The following KSR2 variants were observed in gnomAD, a reference collection of about 807,000 sequenced individuals.
KSR2 encodes the protein kinase suppressor of ras 2.
A neutral mutation model predicts 107.8 loss-of-function variants in KSR2; 25 were observed. The observed-to-expected ratio is 0.23, with a 90% CI of 0.17 to 0.32. The LOEUF (loss-of-function observed/expected upper bound fraction) is 0.32. KSR2 is among the 10% of genes least tolerant of loss of function. KSR2 has a pLI of 1.00. For missense variants in KSR2, 887 were observed against 1,268.9 expected, an observed-to-expected ratio of 0.70 and a Z score of 4.57; for synonymous variants, 480 against 507.0, an observed-to-expected ratio of 0.95 and a Z score of 0.71.
At chr12:117,507,628 G>T (rs1021188529) in intron 14 of KSR2, among the ~76,000 whole-genome samples, 1 of 152,144 alleles carries the variant, frequency 6.6e-6, no homozygotes, top group African/African-American at 2.4e-5. Context: ...AGCCCCATCT[G>T]CCTTCAGACA....
At chr12:117,534,625 C>G (rs535050595) in intron 10 of KSR2, among the ~76,000 whole-genome samples, 37 of 152,154 alleles carry the variant, frequency 2.4e-4, no homozygotes, top group African/African-American at 8.9e-4. Context: ...TAATGCCTGC[C>G]CCTGCCGCTA....
intron 5 of KSR2, among the ~76,000 whole-genome samples, chr12:117,654,739 G>T (rs1884060984): frequency 6.6e-6 from 1 of 152,184 alleles, no homozygotes; most frequent in Non-Finnish European, 1.5e-5. Context: ...CCCTCTGAGT[G>T]GTCAAAAACT....
intron 5 of KSR2, among the ~76,000 whole-genome samples, chr12:117,623,292 T>C (rs1160791015): frequency 2.0e-5 from 3 of 152,222 alleles, no homozygotes; most frequent in African/African-American, 7.2e-5. Flanking sequence ...GCAGGTTTGA[T>C]ACATAGGTAT....
chr12:117,680,366 T>A (rs1178876043), intron 4 of KSR2, among the ~76,000 whole-genome samples: 2 of 152,234 alleles, frequency 1.3e-5, no homozygotes, highest in African/African-American at 4.8e-5. Context: ...ACATCCATGA[T>A]TTAAATGCTC....
chr12:117,669,055 C>T (rs1884791611), intron 4 of KSR2, among the ~76,000 whole-genome samples: 2 of 152,164 alleles, frequency 1.3e-5, no homozygotes, highest in Admixed American at 6.5e-5. Flanking sequence ...GGGGTGATGT[C>T]TAATCTCAAT....
intron 1 of KSR2, among the ~76,000 whole-genome samples, chr12:117,898,123 A>G (rs906346142): frequency 1.3e-5 from 2 of 152,146 alleles, no homozygotes; most frequent in South Asian, 2.1e-4. Context: ...GGGTTAGGCA[A>G]CTCAAAGGCA....
intron 1 of KSR2, among the ~76,000 whole-genome samples, chr12:117,943,380 CT>C (rs1340930096): frequency 6.6e-6 from 1 of 151,344 alleles, no homozygotes; most frequent in African/African-American, 2.4e-5. Flanking sequence ...TCATGTACAA[CT>C]ACAAAAGCTA....
chr12:117,549,158 T>C (rs61937251), intron 9 of KSR2, among the ~76,000 whole-genome samples: 13,419 of 152,264 alleles, frequency 0.088, 829 homozygotes, highest in Middle Eastern at 0.14. Flanking sequence ...CTAATGGTAA[T>C]TGCATTTCCA....
At position 117,812,424 on chromosome 12, in the gene KSR2, G is replaced by A. The variant is rs201522465; in HGVS notation, c.472+43004C>T. On this transcript the variant is annotated intron_variant, in intron 3 of 19. Transcript: ENST00000339824. The stretch of plus-strand genomic sequence containing the variant: ...ACTAGAAAAATGTTAAACTATTTGT[G>A]GCTTGCTTTATATTTCTATTAGAGA... Among the ~76,000 whole-genome samples, 3 of 152,104 alleles carry A rather than the reference G, an allele frequency of 2.0e-5. No homozygotes were observed. The East Asian group carries it at 5.8e-4, about 29-fold the overall frequency.
chr12:117,498,579 C>T lies in KSR2; in HGVS notation c.2220-12888G>A, dbSNP rs564203892. Among the ~76,000 whole-genome samples the T allele has an allele frequency of 3.6e-3, 546 of 152,216 alleles. 2 individuals carry two copies. Among genetic ancestry groups the T allele is most frequent in the Non-Finnish European group, 4.7e-3 (320 of 68,020 alleles). ...TAAGCATCCTGTGTCCCCTGTAGCT[C>T]GGGAGGGCTGTGTTTCATGCCAAGT... On this transcript the variant is annotated intron_variant, in intron 14 of 19. Transcript: ENST00000339824.
chr12:117,586,837 C>T (rs1191632297), intron 5 of KSR2, among the ~76,000 whole-genome samples: 1 of 152,154 alleles, frequency 6.6e-6, no homozygotes, highest in African/African-American at 2.4e-5. Context: ...GTTATCCCGA[C>T]TGCCCAAGGT....
chr12:117,906,116 C>T (rs1050646811), intron 1 of KSR2, among the ~76,000 whole-genome samples: 9 of 151,806 alleles, frequency 5.9e-5, no homozygotes, highest in Non-Finnish European at 1.2e-4. Context: ...TTCGGGAGGC[C>T]GAGGCGGGCA....
intron 1 of KSR2, among the ~76,000 whole-genome samples, chr12:117,909,440 T>C (rs971311043): frequency 3.3e-5 from 5 of 152,218 alleles, no homozygotes; most frequent in African/African-American, 1.2e-4. Context: ...GACTTCAAAC[T>C]GGCTTTATCC....
intron 4 of KSR2, among the ~76,000 whole-genome samples, chr12:117,704,787 AGGT>A (rs981592059): frequency 6.6e-6 from 1 of 151,604 alleles, no homozygotes. Flanking sequence ...TGAACCCAGG[AGGT>A]GGAGGTTGTA....
chr12:117,940,877 C>T (rs1187284865), intron 1 of KSR2, among the ~76,000 whole-genome samples: 2 of 151,886 alleles, frequency 1.3e-5, no homozygotes, highest in African/African-American at 2.4e-5. Context: ...CTTCAGGCCA[C>T]GAGTTTGAGA....
intron 4 of KSR2, among the ~76,000 whole-genome samples, chr12:117,744,933 T>A (rs1888351493): frequency 6.6e-6 from 1 of 152,186 alleles, no homozygotes; most frequent in South Asian, 2.1e-4. Context: ...TAATATTTTT[T>A]AAATAATGAT....
rs748048264 is a variant in KSR2, at chr12:117,606,584, TCTTC to T, written c.1172-24229_1172-24226del. ...TCCTCCCCTTCTTCCTCCCTTCCCT[TCTTC>T]CTTCCTTCTTTCCTCCTTCCTTCCT... On this transcript the variant is annotated intron_variant, in intron 5 of 19. Transcript: ENST00000339824. Among the ~76,000 whole-genome samples the T allele has an allele frequency of 2.3e-3, 89 of 38,144 alleles. 1 individual carries two copies. Among genetic ancestry groups the T allele is most frequent in the African/African-American group, 0.015 (73 of 4,980 alleles). The allele number at this position is 38,144 out of a possible 152,430, so 25.0% of individuals were successfully genotyped here.
Position 117,842,215 on chromosome 12 carries a change from TAAAC to T in KSR2, c.472+13209_472+13212del. On this transcript the variant is annotated intron_variant, in intron 3 of 19. Transcript: ENST00000339824. This position sits in a 1 kb window ranked among gnomAD's most constrained non-coding sequence, Gnocchi z 4.2. ...GTTCTTGTGGAAAGGGGTATGAAAATAAACAAAATCATTTTAGATATGCTAGAGA... is the reference window on the plus strand; with the variant it reads ...GTTCTTGTGGAAAGGGGTATGAAAATAAAATCATTTTAGATATGCTAGAGA... Among the ~76,000 whole-genome samples the T allele has an allele frequency of 6.6e-6, 1 of 152,232 alleles. No homozygotes were observed. Among genetic ancestry groups the T allele is most frequent in the East Asian group, 1.9e-4 (1 of 5,172 alleles).
At chr12:117,909,819 G>T (rs1593361073) in intron 1 of KSR2, among the ~76,000 whole-genome samples, 1 of 151,648 alleles carries the variant, frequency 6.6e-6, no homozygotes, top group Non-Finnish European at 1.5e-5. Context: ...GAGGCAGGAG[G>T]ATCACTTAAA....
Sources: allele counts gnomAD v4.1 joint callset (sites outside exome capture counted in the v4.1 genomes callset), GRCh38; gene constraint gnomAD v4.1.1; non-coding constraint Gnocchi (gnomAD v3.1); transcripts MANE v1.5; gene names NCBI Gene and HGNC (gene_info 2026-07-23, HGNC 2026-07-21).